FSTL5: variants seen among roughly 807,000 people sequenced by gnomAD.
FSTL5 encodes the protein follistatin like 5, also known as follistatin-related protein 5.
A neutral mutation model predicts 89.1 loss-of-function variants in FSTL5; 62 were observed. The observed-to-expected ratio is 0.70, with a 90% CI of 0.57 to 0.86. The LOEUF is 0.86. Among genes scored for constraint, FSTL5 ranks in the 40% least tolerant of loss-of-function variants. The probability of loss-of-function intolerance (pLI) is 0.00; values close to 1 mark genes in which losing one functional copy is unlikely to be tolerated. For synonymous variants in FSTL5, 383 were observed against 346.2 expected, an observed-to-expected ratio of 1.11 and a Z score of -1.18; for missense variants, 1,057 against 1,001.6, an observed-to-expected ratio of 1.06 and a Z score of -0.75.
At chr4:162,148,703 A>G (rs1733102617) in intron 1 of FSTL5, among the ~76,000 whole-genome samples, 1 of 152,194 alleles carries the variant, frequency 6.6e-6, no homozygotes, top group African/African-American at 2.4e-5. Flanking sequence ...ATGTAACATT[A>G]TTTTATAATG....
chr4:161,986,755 G>A (rs1396694030), intron 3 of FSTL5, among the ~76,000 whole-genome samples: 2 of 151,278 alleles, frequency 1.3e-5, no homozygotes, highest in Non-Finnish European at 2.9e-5. Context: ...AGGTGTTAGA[G>A]TCAGAGAAGC....
chr4:161,853,566 T>C (rs1579143151), intron 4 of FSTL5, among the ~76,000 whole-genome samples: 1 of 152,062 alleles, frequency 6.6e-6, no homozygotes, highest in East Asian at 1.9e-4. Flanking sequence ...AAATGAACAT[T>C]TCACTCTTAA....
At chr4:161,893,677 C>G (rs1236628190) in intron 4 of FSTL5, among the ~76,000 whole-genome samples, 1 of 152,154 alleles carries the variant, frequency 6.6e-6, no homozygotes, top group Non-Finnish European at 1.5e-5. Context: ...ATTGCAGTCT[C>G]TGTTAACAGG....
At chr4:161,638,577 G>A (rs994352906) in intron 7 of FSTL5, among the ~76,000 whole-genome samples, 8 of 150,828 alleles carry the variant, frequency 5.3e-5, no homozygotes, top group African/African-American at 2.0e-4. Context: ...GTACAAGGAG[G>A]AACTGGTACC....
chr4:161,467,670 A>C (rs943570086), intron 13 of FSTL5, among the ~76,000 whole-genome samples: 1 of 152,124 alleles, frequency 6.6e-6, no homozygotes, highest in Non-Finnish European at 1.5e-5. Flanking sequence ...ATTCAACTTT[A>C]AGCATGTACT....
intron 3 of FSTL5, among the ~76,000 whole-genome samples, chr4:162,031,734 G>A (rs1032372133): frequency 7.2e-5 from 11 of 152,042 alleles, no homozygotes; most frequent in Non-Finnish European, 1.0e-4. Flanking sequence ...TCAAGAGATC[G>A]AGACCGTCCT....
chr4:161,606,129 G>A (rs1734429931), intron 7 of FSTL5, among the ~76,000 whole-genome samples: 1 of 151,746 alleles, frequency 6.6e-6, no homozygotes, highest in Non-Finnish European at 1.5e-5. Flanking sequence ...TTACCCATCA[G>A]TTTAGGAATG....
chr4:161,519,454 A>T (rs1730948407), intron 10 of FSTL5, among the ~76,000 whole-genome samples: 1 of 152,102 alleles, frequency 6.6e-6, no homozygotes, highest in South Asian at 2.1e-4. Context: ...TGAACCCGGG[A>T]GGTGGAGCTT....
chr4:161,848,821 A>G (rs548481498), intron 4 of FSTL5, among the ~76,000 whole-genome samples: 4 of 152,270 alleles, frequency 2.6e-5, no homozygotes, highest in African/African-American at 4.8e-5. Context: ...TTCTTAATCA[A>G]TTTAAAAGGG....
chr4:161,781,818 T>G (rs567491831), intron 4 of FSTL5, among the ~76,000 whole-genome samples: 1 of 152,334 alleles, frequency 6.6e-6, no homozygotes, highest in Admixed American at 6.5e-5. Flanking sequence ...CTGACAATTG[T>G]ATAATGACAT....
intron 15 of FSTL5, among the ~76,000 whole-genome samples, chr4:161,401,356 C>A (rs1215372973): frequency 2.0e-5 from 3 of 152,140 alleles, no homozygotes; most frequent in Non-Finnish European, 4.4e-5. Context: ...GTTGATGATA[C>A]TTATATTGTA....
Position 162,085,595 on chromosome 4 carries a change from T to G in FSTL5, c.126+25676A>C, listed in dbSNP as rs1424850842. Reference sequence around the variant, plus strand: ...TCTCCAGCATCCAATACGTATCTGGTGCACACATATCTAATCATTAGCCAG... The same window carrying G: ...TCTCCAGCATCCAATACGTATCTGGGGCACACATATCTAATCATTAGCCAG... On this transcript the variant is annotated intron_variant, in intron 2 of 15. Coordinates refer to ENST00000306100, the MANE Select transcript of FSTL5 (RefSeq NM_020116.5). Among the ~76,000 whole-genome samples, 3 of 152,132 alleles carry G rather than the reference T, an allele frequency of 2.0e-5. No homozygotes were observed. The East Asian group carries it at 5.8e-4, about 29-fold the overall frequency.
intron 3 of FSTL5, among the ~76,000 whole-genome samples, chr4:161,921,544 C>T (rs1370218448): frequency 6.6e-6 from 1 of 152,008 alleles, no homozygotes; most frequent in East Asian, 1.9e-4. Context: ...TACACACATA[C>T]ATTTGTATAT....
At chr4:162,137,814 C>T (rs961785731) in intron 1 of FSTL5, among the ~76,000 whole-genome samples, 26 of 152,170 alleles carry the variant, frequency 1.7e-4, no homozygotes, top group Admixed American at 6.5e-4. Context: ...ATATTTCTAT[C>T]GAAAAGCAAT....
intron 8 of FSTL5, among the ~76,000 whole-genome samples, chr4:161,542,977 G>T (rs1731883804): frequency 6.6e-6 from 1 of 151,682 alleles, no homozygotes; most frequent in African/African-American, 2.4e-5. Flanking sequence ...ATACCAAAAG[G>T]ATACAGAAAC....
chr4:162,144,597 G>A (rs73863209), intron 1 of FSTL5, among the ~76,000 whole-genome samples: 1,599 of 152,194 alleles, frequency 0.011, 33 homozygotes, highest in African/African-American at 0.036. Flanking sequence ...ATACAAAGCA[G>A]TGCTTCTTGG....
chr4:161,449,469 A>G (rs1437516824), intron 15 of FSTL5, among the ~76,000 whole-genome samples: 1 of 152,144 alleles, frequency 6.6e-6, no homozygotes, highest in African/African-American at 2.4e-5. Flanking sequence ...AGAGTAGGTA[A>G]GCCTTTCAAG....
intron 2 of FSTL5, among the ~76,000 whole-genome samples, chr4:162,099,951 T>C (rs192115835): frequency 5.6e-4 from 85 of 152,274 alleles, no homozygotes; most frequent in Non-Finnish European, 4.7e-4. Context: ...CAATAGGAAC[T>C]CTCATTCATT....
At chr4:161,799,465 T>A (rs932437917) in intron 4 of FSTL5, among the ~76,000 whole-genome samples, 3 of 151,746 alleles carry the variant, frequency 2.0e-5, no homozygotes, top group Non-Finnish European at 4.4e-5. Context: ...TAAAAGATTT[T>A]TGCCTGAACT....
Sources: allele counts gnomAD v4.1 joint callset (sites outside exome capture counted in the v4.1 genomes callset), GRCh38; gene constraint gnomAD v4.1.1; transcripts MANE v1.5; gene names NCBI Gene and HGNC (gene_info 2026-07-23, HGNC 2026-07-21).